The following CRADD variants were observed in gnomAD, a reference collection of about 807,000 sequenced individuals.
CRADD encodes the protein CARD and death domain containing adaptor protein, also known as death domain-containing protein CRADD.
CRADD carries 9 observed loss-of-function variants against 15.5 expected under a neutral mutation model. The ratio of observed to expected loss-of-function variants is 0.58; its 90% CI spans 0.35 to 1.01. CRADD has a LOEUF of 1.01. Ranked by LOEUF, CRADD falls within the 50% of genes least tolerant of loss-of-function variation. CRADD has a pLI of 0.02. For synonymous variants in CRADD, 118 were observed against 107.6 expected (o/e 1.10, Z -0.60); for missense variants, 227 against 250.3 (o/e 0.91, Z 0.63).
intron 2 of CRADD, among the ~76,000 whole-genome samples, chr12:93,793,820 A>T (rs1957379440): frequency 1.3e-5 from 2 of 152,170 alleles, no homozygotes; most frequent in Non-Finnish European, 2.9e-5. Context: ...GTTAACAGCA[A>T]CAACAAAAAC....
intron 2 of CRADD, among the ~76,000 whole-genome samples, chr12:93,781,418 G>T (rs2136972431): frequency 6.6e-6 from 1 of 152,298 alleles, no homozygotes; most frequent in Non-Finnish European, 1.5e-5. Flanking sequence ...ATGCAGAAGG[G>T]TGCTAGAAAA....
chr12:93,705,547 T>A (rs1335159022), intron 2 of CRADD, among the ~76,000 whole-genome samples: 1 of 152,208 alleles, frequency 6.6e-6, no homozygotes, highest in African/African-American at 2.4e-5. Flanking sequence ...TGCATTAGCA[T>A]TGAGCAGGGT....
chr12:93,688,913 C>T (rs1221966853), intron 2 of CRADD, among the ~76,000 whole-genome samples: 1 of 152,192 alleles, frequency 6.6e-6, no homozygotes, highest in Admixed American at 6.5e-5. Flanking sequence ...TCCAGACACA[C>T]AGCCTCAGGA....
chr12:93,850,288 C>T lies in CRADD; in HGVS notation c.*17C>T, dbSNP rs188043096. On this transcript the variant is annotated 3_prime_UTR_variant, in exon 3 of 3. Coordinates refer to ENST00000332896, the MANE Select transcript of CRADD (RefSeq NM_003805.5). This position sits in a 1 kb window ranked among gnomAD's most constrained non-coding sequence, Gnocchi z 4.0. ...TTGGAGTGATGGTGCCTCCAGCAAC[C>T]GCTGGGGAGTGTGTCCCTGAGTCAT... The T allele has an allele frequency of 3.6e-4, 560 of 1,573,834 alleles. 4 individuals are homozygous for T. The East Asian group carries it at 9.7e-3, about 27-fold the overall frequency.
intron 2 of CRADD, among the ~76,000 whole-genome samples, chr12:93,724,378 C>CAAAAAAAAAAA (rs58599421): frequency 7.6e-6 from 1 of 131,964 alleles, no homozygotes. Flanking sequence ...GACCCTGTCT[C>CAAAAAAAAAAA]AAAAAAAAAA....
At chr12:93,891,185 G>A (rs111766685) in intron 2 of CRADD, among the ~76,000 whole-genome samples, 7 of 152,154 alleles carry the variant, frequency 4.6e-5, no homozygotes, top group African/African-American at 9.6e-5. Context: ...TCTCATATTT[G>A]GCTCAGAATA....
intron 2 of CRADD, among the ~76,000 whole-genome samples, chr12:93,741,404 G>A (rs1206717846): frequency 1.3e-5 from 2 of 152,040 alleles, no homozygotes; most frequent in Admixed American, 6.6e-5. Flanking sequence ...ATAAATTAGC[G>A]ACTAAGGATT....
chr12:93,880,086 T>G (rs775467917), intron 2 of CRADD, among the ~76,000 whole-genome samples: 15 of 152,134 alleles, frequency 9.9e-5, no homozygotes, highest in Non-Finnish European at 2.2e-4. Context: ...TCCTTCACTG[T>G]GGTGGACTGT....
At chr12:93,680,922 T>C (rs1955275633) in intron 2 of CRADD, among the ~76,000 whole-genome samples, 1 of 152,154 alleles carries the variant, frequency 6.6e-6, no homozygotes, top group East Asian at 1.9e-4. Flanking sequence ...TTCACTCTTG[T>C]TGCCCAGGCT....
chr12:93,744,656 T>C (rs725574), intron 2 of CRADD, among the ~76,000 whole-genome samples: 8,065 of 152,246 alleles, frequency 0.053, 508 homozygotes, highest in Admixed American at 0.14. Context: ...GATGGTAACC[T>C]CATAAGCAGC....
chr12:93,893,716 G>A (rs929174092), intron 2 of CRADD, among the ~76,000 whole-genome samples: 1 of 152,054 alleles, frequency 6.6e-6, no homozygotes, highest in Non-Finnish European at 1.5e-5. Context: ...GACCAGCCTG[G>A]CCAACATGAT....
intron 2 of CRADD, among the ~76,000 whole-genome samples, chr12:93,727,583 G>T (rs546093043): frequency 7.2e-5 from 11 of 152,276 alleles, no homozygotes; most frequent in African/African-American, 2.6e-4. Flanking sequence ...CTAGAGCCAG[G>T]CCAGTTAGCA....
chr12:93,834,638 G>A (rs960989546), intron 2 of CRADD, among the ~76,000 whole-genome samples: 8 of 152,174 alleles, frequency 5.3e-5, no homozygotes, highest in Admixed American at 2.6e-4. Context: ...ACAGGCCTGC[G>A]CCACCACATC....
intron 2 of CRADD, among the ~76,000 whole-genome samples, chr12:93,778,068 A>G (rs896363402): frequency 6.6e-6 from 1 of 152,212 alleles, no homozygotes; most frequent in African/African-American, 2.4e-5. Flanking sequence ...TGTGTGGTTC[A>G]GTATTGACCT....
intron 2 of CRADD, among the ~76,000 whole-genome samples, chr12:93,741,487 A>G (rs1327570736): frequency 2.0e-5 from 3 of 152,234 alleles, no homozygotes. Flanking sequence ...CAGTAAAAAC[A>G]ATTTACTCTG....
intron 2 of CRADD, among the ~76,000 whole-genome samples, chr12:93,713,223 C>T (rs1956105054): frequency 6.6e-6 from 1 of 152,050 alleles, no homozygotes; most frequent in Non-Finnish European, 1.5e-5. Flanking sequence ...AACTTGGCAC[C>T]ATGATATTTT....
intron 2 of CRADD, among the ~76,000 whole-genome samples, chr12:93,807,493 G>C (rs925226464): frequency 1.3e-5 from 2 of 152,072 alleles, no homozygotes; most frequent in Admixed American, 6.6e-5. Flanking sequence ...CAGCCCTCCA[G>C]CTGATGACCA....
chr12:93,836,265 G>T (rs1341303392), intron 2 of CRADD: 1 of 152,204 alleles, frequency 6.6e-6, no homozygotes, highest in African/African-American at 2.4e-5. Context: ...TTAGAGTTGA[G>T]TTTGGGTGAA....
intron 2 of CRADD, among the ~76,000 whole-genome samples, chr12:93,822,194 A>G (rs1258119951): frequency 6.6e-6 from 1 of 151,966 alleles, no homozygotes; most frequent in East Asian, 1.9e-4. Context: ...TTTAGGCTTG[A>G]TGCCCCATCC....
Sources: allele counts gnomAD v4.1 joint callset (sites outside exome capture counted in the v4.1 genomes callset), GRCh38; gene constraint gnomAD v4.1.1; non-coding constraint Gnocchi (gnomAD v3.1); transcripts MANE v1.5; gene names NCBI Gene and HGNC (gene_info 2026-07-23, HGNC 2026-07-21).